Variants in SLC35F4 observed in about 807,000 individuals in gnomAD.
SLC35F4 encodes chromosome 14 open reading frame 36.
A neutral mutation model predicts 44.2 loss-of-function variants in SLC35F4; 24 were observed. The ratio of observed to expected loss-of-function variants is 0.54; its 90% CI spans 0.39 to 0.76. The LOEUF is 0.76. SLC35F4 is among the 30% of genes least tolerant of loss of function. SLC35F4 has a pLI of 0.00. For missense variants in SLC35F4, 562 were observed against 586.1 expected (o/e 0.96, Z 0.42); for synonymous variants, 238 against 223.6 (o/e 1.06, Z -0.57).
In SLC35F4 at chr14:57,646,361, T is replaced by C. The variant is rs373101528; in HGVS notation, c.104-52237A>G. On this transcript the variant is annotated intron_variant, in intron 1 of 7. Transcript: ENST00000556826. ...CCTGGTTTAGTCTTGGGAGGGTGTA[T>C]GTATGGAGGAATTTATCCATTTCTT... is the stretch of plus-strand genomic sequence containing the variant. 3.3e-5 allele frequency among the ~76,000 whole-genome samples: 5 copies of C among 152,350 alleles called. No homozygotes were observed. The East Asian group carries it at 9.6e-4, about 29-fold the overall frequency.
intron 1 of SLC35F4, among the ~76,000 whole-genome samples, chr14:57,945,441 G>A (rs1189338072): frequency 4.0e-5 from 1 of 24,734 alleles, no homozygotes; most frequent in Non-Finnish European, 7.0e-5. Flanking sequence ...CAATGATAAT[G>A]TGTGTGTGTG....
In SLC35F4 at chr14:57,834,253, T is replaced by A. The variant is rs754306084; in HGVS notation, c.103+31470A>T. ...GTGGGTACTGAGAAGTAAAATCTGT[T>A]TCAAACAAAACTAACTCCTGCAAGA... On this transcript the variant is annotated intron_variant, in intron 1 of 7. Coordinates refer to ENST00000556826, the MANE Select transcript of SLC35F4 (RefSeq NM_001306087.2). Among the ~76,000 whole-genome samples, 4 of 152,298 alleles carry A rather than the reference T, an allele frequency of 2.6e-5. No homozygotes were observed. In the East Asian group the frequency reaches 5.8e-4, roughly 22 times the overall value.
chr14:57,631,770 A>T (rs763387650), intron 1 of SLC35F4, among the ~76,000 whole-genome samples: 6 of 152,126 alleles, frequency 3.9e-5, no homozygotes, highest in Non-Finnish European at 7.4e-5. Flanking sequence ...AATATCCTTA[A>T]CCATTTATAA....
At chr14:57,682,878 A>G (rs550813249) in intron 1 of SLC35F4, among the ~76,000 whole-genome samples, 3 of 151,952 alleles carry the variant, frequency 2.0e-5, no homozygotes, top group Non-Finnish European at 4.4e-5. Flanking sequence ...AAATTAATGC[A>G]CTCCATTTCA....
chr14:57,870,416 C>T (rs979704874), upstream of SLC35F4, among the ~76,000 whole-genome samples: 2 of 152,104 alleles, frequency 1.3e-5, no homozygotes, highest in African/African-American at 4.8e-5. Flanking sequence ...CTTTTGAAAT[C>T]TCTATGACTC....
At chr14:57,964,449 A>G (rs1890396548) in intron 1 of SLC35F4, among the ~76,000 whole-genome samples, 1 of 151,964 alleles carries the variant, frequency 6.6e-6, no homozygotes, top group Admixed American at 6.6e-5. Context: ...TCGAAACAAT[A>G]CTCCTTACTC....
chr14:57,796,825 C>A (rs1056547025), intron 1 of SLC35F4, among the ~76,000 whole-genome samples: 1 of 152,178 alleles, frequency 6.6e-6, no homozygotes, highest in Non-Finnish European at 1.5e-5. Context: ...CACACATACA[C>A]ACAAACCCTC....
intron 1 of SLC35F4, among the ~76,000 whole-genome samples, chr14:57,843,399 C>T (rs976092273): frequency 4.6e-5 from 7 of 152,156 alleles, no homozygotes; most frequent in Non-Finnish European, 1.0e-4. Context: ...AATGAGGTGA[C>T]CTTGATGGCA....
intron 1 of SLC35F4, among the ~76,000 whole-genome samples, chr14:57,685,144 G>C (rs2075030927): frequency 6.6e-6 from 1 of 152,116 alleles, no homozygotes; most frequent in Non-Finnish European, 1.5e-5. Context: ...TATGGGAGAA[G>C]TGGGTTATAT....
At chr14:57,957,020 G>C (rs142017193) in intron 1 of SLC35F4, among the ~76,000 whole-genome samples, 2 of 152,290 alleles carry the variant, frequency 1.3e-5, no homozygotes, top group East Asian at 3.9e-4. Context: ...GTTCACAATA[G>C]CTAAGACTTG....
chr14:57,665,157 C>G (rs2074266647), intron 1 of SLC35F4, among the ~76,000 whole-genome samples: 1 of 151,940 alleles, frequency 6.6e-6, no homozygotes, highest in Non-Finnish European at 1.5e-5. Flanking sequence ...ACACACACAC[C>G]TTAAAGACTG....
intron 1 of SLC35F4, among the ~76,000 whole-genome samples, chr14:57,693,283 G>T (rs1235885001): frequency 3.3e-5 from 5 of 152,174 alleles, no homozygotes; most frequent in Non-Finnish European, 7.3e-5. Flanking sequence ...ATTATTTGTT[G>T]TTGGTAATAG....
chr14:57,716,318 A>G (rs1181371795), intron 1 of SLC35F4, among the ~76,000 whole-genome samples: 1 of 151,002 alleles, frequency 6.6e-6, no homozygotes, highest in Non-Finnish European at 1.5e-5. Flanking sequence ...TGTCTTTTGT[A>G]ATACTAACCT....
At chr14:57,917,906 C>T (rs144425955) in intron 1 of SLC35F4, among the ~76,000 whole-genome samples, 1 of 152,230 alleles carries the variant, frequency 6.6e-6, no homozygotes, top group African/African-American at 2.4e-5. Context: ...CTTCTCAGTC[C>T]CCCACACACA....
intron 1 of SLC35F4, among the ~76,000 whole-genome samples, chr14:57,680,660 C>A (rs1450939384): frequency 1.3e-5 from 2 of 152,138 alleles, no homozygotes; most frequent in Non-Finnish European, 2.9e-5. Context: ...TGATAAGCAA[C>A]TTCAGCAAAT....
chr14:57,701,187 C>T (rs913256541), intron 1 of SLC35F4, among the ~76,000 whole-genome samples: 5 of 151,486 alleles, frequency 3.3e-5, no homozygotes, highest in Non-Finnish European at 7.4e-5. Flanking sequence ...AACACTAAGA[C>T]ACACACTTTA....
intron 1 of SLC35F4, among the ~76,000 whole-genome samples, chr14:57,651,450 T>G (rs533887931): frequency 1.2e-3 from 183 of 152,184 alleles, no homozygotes; most frequent in African/African-American, 4.0e-3. Context: ...TCTAGTGATG[T>G]CTGATGTCAT....
intron 1 of SLC35F4, among the ~76,000 whole-genome samples, chr14:57,783,617 C>G (rs1317026005): frequency 6.6e-6 from 1 of 152,168 alleles, no homozygotes; most frequent in African/African-American, 2.4e-5. Flanking sequence ...AAGGCCTGGA[C>G]AATAAGAACC....
At chr14:57,777,871 G>T (rs1427692437) in intron 1 of SLC35F4, among the ~76,000 whole-genome samples, 1 of 152,018 alleles carries the variant, frequency 6.6e-6, no homozygotes, top group Non-Finnish European at 1.5e-5. Context: ...ATCTCACATG[G>T]AATGACACCC....
Sources: allele counts gnomAD v4.1 joint callset (sites outside exome capture counted in the v4.1 genomes callset), GRCh38; gene constraint gnomAD v4.1.1; transcripts MANE v1.5; gene names NCBI Gene and HGNC (gene_info 2026-07-23, HGNC 2026-07-21).